The following CST8 variants were observed in gnomAD, a reference collection of about 807,000 sequenced individuals.
CST8 encodes cystatin-8.
A neutral mutation model predicts 11.8 loss-of-function variants in CST8; 20 were observed. The observed-to-expected ratio is 1.70, with a 90% confidence interval of 1.20 to 2.47. CST8 has a LOEUF of 2.47. CST8 is among the 30% of genes most tolerant of loss of function. The pLI is 0.00. For synonymous variants in CST8, 77 were observed against 63.1 expected, an observed-to-expected ratio of 1.22 and a Z score of -1.05; for missense variants, 196 against 167.2, an observed-to-expected ratio of 1.17 and a Z score of -0.95.
At chr20:23,496,016 G>T, downstream of CST8, 2 of 875,680 alleles carry the variant, frequency 2.3e-6, no homozygotes. Context: ...CTTCATGCAT[G>T]CCTCTCTGCT....
downstream of CST8, among the ~76,000 whole-genome samples, chr20:23,500,033 C>A (rs965271733): frequency 6.7e-6 from 1 of 150,216 alleles, no homozygotes; most frequent in Non-Finnish European, 1.5e-5. Flanking sequence ...ACAGAGAGGA[C>A]AGAGAGGAGA....
chr20:23,492,494 C>T (rs1300901261), intron 2 of CST8, among the ~76,000 whole-genome samples: 1 of 152,154 alleles, frequency 6.6e-6, no homozygotes, highest in African/African-American at 2.4e-5. Context: ...TGGGGAAACC[C>T]CAGAGGATGG....
chr20:23,500,763 G>A (rs1344257641), downstream of CST8, among the ~76,000 whole-genome samples: 1 of 150,776 alleles, frequency 6.6e-6, no homozygotes, highest in Non-Finnish European at 1.5e-5. Flanking sequence ...GTGGCTGGGT[G>A]GGGGGGTGCA....
Position 23,493,028 on chromosome 20 carries a change from CT to C in CST8, c.303del (p.Asn102MetfsTer12). The stretch of plus-strand genomic sequence containing the variant: ...AGCGATTGCAGAAAGCCTTTAAGCA[CT>C]AATGAAATCTGCGCCATTCAAGAAA... ...ARSDCRKPLS[T>X]NEICAIQENS... is the part of the protein sequence containing the mutation. On this transcript the variant is annotated frameshift_variant, in exon 3 of 4. Coordinates refer to ENST00000246012, the MANE Select transcript of CST8 (RefSeq NM_005492.4). LOFTEE classifies it low-confidence loss of function (END_TRUNC). The C allele has an allele frequency of 6.2e-7, 1 of 1,613,026 alleles. No homozygotes were observed. Among genetic ancestry groups the C allele is most frequent in the Non-Finnish European group, 8.5e-7 (1 of 1,179,124 alleles).
chr20:23,493,191 G>GCCAA, intron 3 of CST8, 120 bp downstream of exon 3: 6 of 697,304 alleles, frequency 8.6e-6, no homozygotes, highest in Non-Finnish European at 1.5e-5. Flanking sequence ...GCCCCAGATA[G>GCCAA]CCAACCCTGT....
At position 23,493,194 on chromosome 20, in the gene CST8, A is replaced by C. The variant is rs573667726; in HGVS notation, c.345+123A>C. 93 of 685,868 alleles carry C rather than the reference A, an allele frequency of 1.4e-4. No individual in the cohort carries two copies. The African/African-American group carries it at 1.6e-3, about 11-fold the overall frequency. The allele number at this position is 685,868 out of a possible 1,614,324, so 42.5% of individuals were successfully genotyped here. The stretch of plus-strand genomic sequence containing the variant: ...TCCCAGTGTTTAGCCCCAGATAGCC[A>C]ACCCTGTGGCCTTTATAGCAGAAGA... On this transcript the variant is annotated intron_variant, in intron 3 of 3. Coordinates refer to ENST00000246012, the MANE Select transcript of CST8 (RefSeq NM_005492.4).
chr20:23,503,935 T>G, the CST8 span, among the ~76,000 whole-genome samples: 1 of 152,186 alleles, frequency 6.6e-6, no homozygotes, highest in Non-Finnish European at 1.5e-5. Flanking sequence ...CCTTCCCACG[T>G]CATTGCTCAC....
chr20:23,503,171 C>T, the CST8 span, among the ~76,000 whole-genome samples: 1 of 151,960 alleles, frequency 6.6e-6, no homozygotes, highest in Non-Finnish European at 1.5e-5. Flanking sequence ...GTAGCATGCA[C>T]AAATGCATGA....
In CST8 at chr20:23,491,827, C is replaced by T. The variant is rs1055545411; in HGVS notation, c.160C>T (p.Gln54Ter). Residue 54 changes from glutamine (Q) to a stop codon, truncating the protein, a stop_gained, in exon 2 of 4, where the codon CAA becomes TAA. Transcript: ENST00000246012. LOFTEE classifies it high-confidence loss of function. ...GAAGCAGTGTCTGTGGTTTGCCATG[C>T]AAGAATACAACAAAGAGAGCGAGGA... Reference protein sequence around the residue: ...NVKQCLWFAMQEYNKESEDKY... With the variant: ...NVKQCLWFAM 1 of 1,614,038 alleles carries T rather than the reference C, an allele frequency of 6.2e-7. No individual in the cohort carries two copies. The highest frequency in any genetic ancestry group is 1.3e-5 in the African/African-American group (1 of 74,914).
downstream of CST8, among the ~76,000 whole-genome samples, chr20:23,499,521 A>T (rs1157679475): frequency 1.3e-5 from 2 of 152,172 alleles, no homozygotes; most frequent in Non-Finnish European, 2.9e-5. Flanking sequence ...CTTAAAGGTC[A>T]TGGGGAGCTC....
intron 1 of CST8, 85 bp downstream of exon 1, chr20:23,491,427 G>A: frequency 1.8e-6 from 1 of 558,406 alleles, no homozygotes; most frequent in Non-Finnish European, 3.2e-6. Flanking sequence ...GGGGAGGCTG[G>A]TAGAGAGACT....
At position 23,495,891 on chromosome 20, in the gene CST8, G is replaced by A. The variant is rs368837269; in HGVS notation, c.406G>A (p.Glu136Lys). 10 of 1,611,336 alleles carry A rather than the reference G, an allele frequency of 6.2e-6. No individual in the cohort carries two copies. Among genetic ancestry groups the A allele is most frequent in the Non-Finnish European group, 8.5e-6 (10 of 1,179,100 alleles). The change falls in exon 4 of 4, where the codon GAG (glutamate) becomes AAG (lysine). Residue 136 changes from glutamate to lysine, a missense_variant. Transcript: ENST00000246012. The part of the protein sequence containing the change: ...LPWNGEFTVM[E>K]KKCEDA ...CTGGAATGGTGAATTCACTGTGATGGAGAAAAAGTGTGAAGATGCTTAATG... is the reference window on the plus strand; with the variant it reads ...CTGGAATGGTGAATTCACTGTGATGAAGAAAAAGTGTGAAGATGCTTAATG...
At chr20:23,496,049 A>G, downstream of CST8, 2 of 682,418 alleles carry the variant, frequency 2.9e-6, no homozygotes, top group South Asian at 3.8e-5. Flanking sequence ...TTTTAGTTGC[A>G]TATATGTGGG....
intron 3 of CST8, among the ~76,000 whole-genome samples, chr20:23,495,277 A>C (rs1988008477): frequency 1.3e-5 from 2 of 152,130 alleles, no homozygotes; most frequent in Non-Finnish European, 2.9e-5. Context: ...GTGAACATAC[A>C]TGTGCATGTG....
intron 3 of CST8, among the ~76,000 whole-genome samples, chr20:23,493,639 C>G (rs1987957979): frequency 6.6e-6 from 1 of 152,144 alleles, no homozygotes; most frequent in Non-Finnish European, 1.5e-5. Context: ...TGGGGCAAAC[C>G]CACAGACTCC....
chr20:23,496,355 C>T (rs186842960), downstream of CST8, among the ~76,000 whole-genome samples: 632 of 152,156 alleles, frequency 4.2e-3, 11 homozygotes, highest in African/African-American at 0.015. Context: ...GGAGACATCA[C>T]ATGTCGGCAG....
At chr20:23,502,383 CT>C in the CST8 span, among the ~76,000 whole-genome samples, 2 of 152,224 alleles carry the variant, frequency 1.3e-5, no homozygotes, top group Admixed American at 1.3e-4. Context: ...CCTGTGTGCT[CT>C]TGCCTGCTTG....
At chr20:23,501,701 G>A in the CST8 span, among the ~76,000 whole-genome samples, 3 of 152,226 alleles carry the variant, frequency 2.0e-5, no homozygotes, top group East Asian at 3.8e-4. Context: ...CCAGGGAAGA[G>A]AGCAAGTGCT....
chr20:23,506,465 G>T, the CST8 span, among the ~76,000 whole-genome samples: 1 of 152,094 alleles, frequency 6.6e-6, no homozygotes, highest in Non-Finnish European at 1.5e-5. Flanking sequence ...AGCTTATGAG[G>T]ATTCCATGGT....
Sources: allele counts gnomAD v4.1 joint callset (sites outside exome capture counted in the v4.1 genomes callset), GRCh38; gene constraint gnomAD v4.1.1; transcripts MANE v1.5; gene names NCBI Gene and HGNC (gene_info 2026-07-23, HGNC 2026-07-21).